SNRPN: variants seen among roughly 807,000 people sequenced by gnomAD.
SNRPN encodes small nuclear ribonucleoprotein polypeptide N.
In SNRPN, 7 loss-of-function variants were observed where a neutral mutation model predicts 25.2. The observed-to-expected ratio is 0.28, with a 90% CI of 0.16 to 0.52. SNRPN has a LOEUF of 0.52. Among genes scored for constraint, SNRPN ranks in the 20% least tolerant of loss-of-function variants. The pLI is 0.96. For missense variants in SNRPN, 196 were observed against 322.5 expected, an observed-to-expected ratio of 0.61 and a Z score of 3.00; for synonymous variants, 124 against 110.6, an observed-to-expected ratio of 1.12 and a Z score of -0.76.
At chr15:24,962,571 TG>T (rs1355806500) in intron 2 of SNRPN, among the ~76,000 whole-genome samples, 1 of 152,224 alleles carries the variant, frequency 6.6e-6, no homozygotes, top group Non-Finnish European at 1.5e-5. Context: ...TATTCATTCT[TG>T]CTCTGTGATA....
chr15:24,960,367 T>A (rs2153455676), intron 1 of SNRPN, among the ~76,000 whole-genome samples: 1 of 152,192 alleles, frequency 6.6e-6, no homozygotes, highest in Admixed American at 6.5e-5. Flanking sequence ...TGAGGCAGGG[T>A]CTGGCTCTGT....
At chr15:24,951,728 G>A (rs186993844), upstream of SNRPN, among the ~76,000 whole-genome samples, 50 of 152,096 alleles carry the variant, frequency 3.3e-4, no homozygotes, top group East Asian at 9.3e-3. Context: ...GAATAGTCTC[G>A]AACTGCTGGC....
At chr15:24,848,817 T>C (rs1244662658) in intron 2 of SNRPN, 1 of 152,146 alleles carries the variant, frequency 6.6e-6, no homozygotes. Context: ...CCCCACAGTC[T>C]CTATTTTCAT....
At chr15:24,927,365 T>C (rs1222973440) in intron 3 of SNRPN, among the ~76,000 whole-genome samples, 2 of 151,600 alleles carry the variant, frequency 1.3e-5, no homozygotes, top group Non-Finnish European at 2.9e-5. Context: ...CAAGTGATCC[T>C]CCCACCTTGA....
rs569129013 is a variant in SNRPN, at chr15:24,912,945, T to C, written c.-504-7066T>C. Among the ~76,000 whole-genome samples, 5 of 152,264 alleles carry C rather than the reference T, an allele frequency of 3.3e-5. No homozygotes were observed. In the South Asian group the frequency reaches 1.0e-3, roughly 32 times the overall value. On this transcript the variant is annotated intron_variant, in intron 2 of 11. Coordinates refer to the SNRPN transcript ENST00000400097. ...AGTTACTCATTATCAGGTATTTATT[T>C]ATTTATTTTTTTGAGACAGAGTCTC... is the stretch of plus-strand genomic sequence containing the variant.
In SNRPN at chr15:24,871,954, C is replaced by G. The variant is rs1394882956; in HGVS notation, c.-578-14562C>G. On this transcript the variant is annotated intron_variant, in intron 1 of 11. Transcript: ENST00000400097. ...TCTCCTGACTTCATGATTCGCCCAC[C>G]TCAGCCTCCCAAAGTGCTAGGATTA... Among the ~76,000 whole-genome samples, 5 of 120,324 alleles carry G rather than the reference C, an allele frequency of 4.2e-5. 1 individual carries two copies. Among genetic ancestry groups the G allele is most frequent in the Non-Finnish European group, 7.3e-5 (4 of 54,854 alleles). 78.9% of individuals were successfully genotyped at this position (120,324 alleles called of 152,430 possible).
rs569186668 is a variant in SNRPN at position 24,929,680 on chromosome 15, A to G, written c.-391+9556A>G. 8.0e-4 allele frequency among the ~76,000 whole-genome samples: 122 copies of G among 152,240 alleles called. No homozygotes were observed. Among genetic ancestry groups the G allele is most frequent in the African/African-American group, 2.6e-3 (109 of 41,554 alleles). The stretch of plus-strand genomic sequence containing the variant: ...GCCACACGACTTCCTAAAAAGGCAT[A>G]AACACATTTTCTTCCAAGTGGAGTC... On this transcript the variant is annotated intron_variant, in intron 3 of 11. Transcript: ENST00000400097. This position sits in a 1 kb window ranked among gnomAD's most constrained non-coding sequence, Gnocchi z 5.3.
At chr15:24,836,465 G>A (rs898211574) in intron 2 of SNRPN, among the ~76,000 whole-genome samples, 1 of 151,718 alleles carries the variant, frequency 6.6e-6, no homozygotes, top group African/African-American at 2.4e-5. Flanking sequence ...AGGCTGGAGT[G>A]CAGTGGTGTG....
intron 2 of SNRPN, among the ~76,000 whole-genome samples, chr15:24,965,005 A>G (rs2075403797): frequency 1.3e-5 from 2 of 152,178 alleles, no homozygotes; most frequent in African/African-American, 4.8e-5. Context: ...GGGAAATAGT[A>G]TAATTTTTCC....
chr15:24,836,494 C>A, intron 2 of SNRPN, among the ~76,000 whole-genome samples: 1 of 146,622 alleles, frequency 6.8e-6, no homozygotes, highest in Non-Finnish European at 1.5e-5. Flanking sequence ...TAACCACAAA[C>A]TCTGCGTCCC....
chr15:24,924,247 T>A (rs1425295788), intron 3 of SNRPN, among the ~76,000 whole-genome samples: 2 of 152,012 alleles, frequency 1.3e-5, no homozygotes, highest in Non-Finnish European at 2.9e-5. Flanking sequence ...CAGAAGCTTA[T>A]GTACCCTCTT....
chr15:24,824,835 A>T (rs1399294596), intron 1 of SNRPN, among the ~76,000 whole-genome samples: 1 of 152,072 alleles, frequency 6.6e-6, no homozygotes, highest in Admixed American at 6.5e-5. Context: ...TCTTGAAGAA[A>T]CAACTTAGGA....
At chr15:24,881,584 GGA>G (rs1157961647) in intron 1 of SNRPN, among the ~76,000 whole-genome samples, 680 of 57,348 alleles carry the variant, frequency 0.012, 7 homozygotes, top group Non-Finnish European at 0.018. Flanking sequence ...AGGGAGGGAG[GGA>G]GAGAGAGAGA....
chr15:24,884,004 T>TAA (rs34950476), intron 1 of SNRPN, among the ~76,000 whole-genome samples: 5,194 of 127,090 alleles, frequency 0.041, 152 homozygotes, highest in Admixed American at 0.071. Flanking sequence ...CCACTCTGTC[T>TAA]AAAAAAAAAA....
chr15:24,862,945 A>G (rs1240746864), intron 1 of SNRPN, among the ~76,000 whole-genome samples: 1 of 150,876 alleles, frequency 6.6e-6, no homozygotes, highest in African/African-American at 2.5e-5. Flanking sequence ...GACAGACCAT[A>G]AAGGGCCTGA....
upstream of SNRPN, among the ~76,000 whole-genome samples, chr15:24,950,544 C>CTTTTTT (rs1024998270): frequency 3.2e-4 from 31 of 97,094 alleles, no homozygotes; most frequent in Non-Finnish European, 4.5e-4. Context: ...GTTCTCATTT[C>CTTTTTT]TTTTTTTTTT....
At chr15:24,930,363 T>C (rs2060732033) in intron 3 of SNRPN, among the ~76,000 whole-genome samples, 1 of 151,860 alleles carries the variant, frequency 6.6e-6, no homozygotes, top group South Asian at 2.1e-4. Flanking sequence ...AAATATTTTA[T>C]GCATAGATAT....
At chr15:24,911,549 T>C (rs987371231) in intron 2 of SNRPN, among the ~76,000 whole-genome samples, 2 of 152,176 alleles carry the variant, frequency 1.3e-5, no homozygotes, top group African/African-American at 4.8e-5. Context: ...CCATCTGTGG[T>C]TCAGGTGGGC....
intron 4 of SNRPN, 84 bp downstream of exon 4, chr15:24,974,540 G>A (rs1241203238): frequency 2.3e-6 from 3 of 1,280,178 alleles, no homozygotes; most frequent in African/African-American, 2.9e-5. Context: ...GTGATCTTGG[G>A]TTCTGAATGT....
Sources: allele counts gnomAD v4.1 joint callset (sites outside exome capture counted in the v4.1 genomes callset), GRCh38; gene constraint gnomAD v4.1.1; non-coding constraint Gnocchi (gnomAD v3.1); transcripts MANE v1.5; gene names NCBI Gene and HGNC (gene_info 2026-07-23, HGNC 2026-07-21).